Variants in ZC3H12B observed in about 807,000 individuals in gnomAD.
ZC3H12B encodes the protein probable ribonuclease ZC3H12B.
Under a neutral mutation model 43.9 loss-of-function variants are expected in ZC3H12B, and 7 were observed. The ratio of observed to expected loss-of-function variants is 0.16; its 90% confidence interval spans 0.09 to 0.30. The LOEUF (loss-of-function observed/expected upper bound fraction) is 0.30. ZC3H12B is among the 10% of genes least tolerant of loss of function. The pLI is 1.00. For synonymous variants in ZC3H12B, 222 were observed against 241.7 expected, an observed-to-expected ratio of 0.92 and a Z score of 0.76; for missense variants, 475 against 670.2, an observed-to-expected ratio of 0.71 and a Z score of 3.22.
At chrX:65,100,373 G>A in the ZC3H12B span, among the ~76,000 whole-genome samples, 1 of 107,310 alleles carries the variant, frequency 9.3e-6, no homozygotes, top group Non-Finnish European at 1.9e-5. Flanking sequence ...TCAAATTCAG[G>A]AAATACAGAA....
the ZC3H12B span, among the ~76,000 whole-genome samples, chrX:65,085,559 G>A: frequency 9.1e-6 from 1 of 110,477 alleles, no homozygotes; most frequent in East Asian, 2.8e-4. Context: ...GATTACTTGA[G>A]GCCAGGGGTT....
the ZC3H12B span, among the ~76,000 whole-genome samples, chrX:65,052,340 G>T: frequency 9.0e-6 from 1 of 110,911 alleles, no homozygotes; most frequent in South Asian, 3.9e-4. Flanking sequence ...CACTCTTTAA[G>T]CTATTTTAAG....
intron 3 of ZC3H12B, among the ~76,000 whole-genome samples, chrX:65,403,391 G>A (rs1217604753): frequency 9.0e-6 from 1 of 111,625 alleles, no homozygotes. Flanking sequence ...TAGAGGAAGA[G>A]ATAGGGGTAC....
intron 3 of ZC3H12B, among the ~76,000 whole-genome samples, chrX:65,411,554 C>T (rs1417464895): frequency 1.8e-5 from 2 of 109,456 alleles, no homozygotes; most frequent in Non-Finnish European, 3.8e-5. Flanking sequence ...GGTGAAAACC[C>T]GTCTCTACTA....
At chrX:65,475,281 G>A (rs2067977456) in intron 3 of ZC3H12B, among the ~76,000 whole-genome samples, 1 of 111,416 alleles carries the variant, frequency 9.0e-6, no homozygotes, top group African/African-American at 3.3e-5. Flanking sequence ...TCACTATTTA[G>A]CATGTGTTTC....
chrX:65,241,646 G>C, the ZC3H12B span, among the ~76,000 whole-genome samples: 1 of 112,847 alleles, frequency 8.9e-6, no homozygotes, highest in Non-Finnish European at 1.9e-5. Flanking sequence ...CAGGCAGACT[G>C]CCTGGACCCA....
At chrX:65,054,989 A>C in the ZC3H12B span, among the ~76,000 whole-genome samples, 3 of 111,708 alleles carry the variant, frequency 2.7e-5, no homozygotes, top group African/African-American at 9.8e-5. Context: ...TTTTGGGCTG[A>C]GACGATGGGG....
At chrX:65,230,317 C>A in the ZC3H12B span, among the ~76,000 whole-genome samples, 758 of 107,991 alleles carry the variant, frequency 7.0e-3, 9 homozygotes, top group African/African-American at 0.021. Flanking sequence ...TCTCACTCAT[C>A]GGTGGGAATT....
At chrX:65,292,098 A>G in the ZC3H12B span, among the ~76,000 whole-genome samples, 38 of 111,984 alleles carry the variant, frequency 3.4e-4, 1 homozygote, top group Non-Finnish European at 1.3e-4. Context: ...AAAGTTCTAT[A>G]TTATAAATGG....
the ZC3H12B span, among the ~76,000 whole-genome samples, chrX:65,314,795 G>A: frequency 9.0e-6 from 1 of 110,855 alleles, no homozygotes; most frequent in Non-Finnish European, 1.9e-5. Flanking sequence ...TCTATTGAAA[G>A]TAAAATATAA....
the ZC3H12B span, among the ~76,000 whole-genome samples, chrX:65,103,435 A>G: frequency 9.0e-6 from 1 of 111,664 alleles, no homozygotes; most frequent in African/African-American, 3.3e-5. Context: ...GTTTAAACAC[A>G]CATGCTTTAC....
chrX:65,459,003 T>C (rs1157503089), intron 3 of ZC3H12B, among the ~76,000 whole-genome samples: 1 of 29,199 alleles, frequency 3.4e-5, no homozygotes, highest in African/African-American at 1.4e-4. Context: ...ATCAAATAGA[T>C]GCAATAAAAA....
At chrX:65,229,914 G>T in the ZC3H12B span, among the ~76,000 whole-genome samples, 153 of 111,176 alleles carry the variant, frequency 1.4e-3, 1 homozygote, top group African/African-American at 4.9e-3. Flanking sequence ...TGGAGAAATA[G>T]GAACACTTTT....
chrX:65,188,631 G>A, the ZC3H12B span, among the ~76,000 whole-genome samples: 14 of 110,444 alleles, frequency 1.3e-4, no homozygotes, highest in Admixed American at 2.9e-4. Context: ...AGAAATGTCA[G>A]TTACATTTAT....
At position 65,379,682 on chromosome X, in the gene ZC3H12B, C is replaced by T. The variant is rs761669225; in HGVS notation, n.295+10684C>T. 7.3e-4 allele frequency among the ~76,000 whole-genome samples: 82 copies of T among 111,922 alleles called. 1 individual carries two copies. In the Middle Eastern group the frequency reaches 0.014, roughly 19 times the overall value. On this transcript the variant is annotated intron_variant and non_coding_transcript_variant, in intron 2 of 5. Coordinates refer to the ZC3H12B transcript ENST00000617377. ...CCAAGCTACGGGAGGACATTCAAACCAAACGCAAAGAAGTTGAAAACTTTG... is the reference window on the plus strand; with the variant it reads ...CCAAGCTACGGGAGGACATTCAAACTAAACGCAAAGAAGTTGAAAACTTTG...
intron 3 of ZC3H12B, among the ~76,000 whole-genome samples, chrX:65,425,921 C>CT (rs1173964965): frequency 9.0e-6 from 1 of 110,802 alleles, no homozygotes; most frequent in Non-Finnish European, 1.9e-5. Flanking sequence ...CTTAAGTTTC[C>CT]TTTTTTTGTT....
At chrX:65,235,198 G>T in the ZC3H12B span, among the ~76,000 whole-genome samples, 2 of 110,715 alleles carry the variant, frequency 1.8e-5, no homozygotes. Flanking sequence ...ATATTTCTTT[G>T]GGTATATACC....
the ZC3H12B span, among the ~76,000 whole-genome samples, chrX:65,339,969 G>A: frequency 1.8e-5 from 2 of 111,352 alleles, no homozygotes; most frequent in Non-Finnish European, 3.8e-5. Context: ...ACTGCTGGTG[G>A]GAGTGCACTT....
At chrX:65,382,466 G>T (rs1393546995) in intron 2 of ZC3H12B, among the ~76,000 whole-genome samples, 1 of 111,239 alleles carries the variant, frequency 9.0e-6, no homozygotes, top group Non-Finnish European at 1.9e-5. Flanking sequence ...AATAATAAGA[G>T]CTATTTATGA....
Sources: allele counts gnomAD v4.1 joint callset (sites outside exome capture counted in the v4.1 genomes callset), GRCh38; gene constraint gnomAD v4.1.1; transcripts MANE v1.5; gene names NCBI Gene and HGNC (gene_info 2026-07-23, HGNC 2026-07-21).